The following SLC5A8 variants were observed in gnomAD, a reference collection of about 807,000 sequenced individuals.
SLC5A8 encodes the protein solute carrier family 5 member 8.
In SLC5A8, 55 loss-of-function variants were observed where a neutral mutation model predicts 71.9. That is an observed-to-expected ratio of 0.77 (90% CI 0.62 to 0.96). SLC5A8 has a LOEUF of 0.96. SLC5A8 is among the 40% of genes least tolerant of loss of function. The pLI, the probability that SLC5A8 is intolerant of heterozygous loss-of-function variation, is 0.00. For synonymous variants in SLC5A8, 307 were observed against 276.1 expected, an observed-to-expected ratio of 1.11 and a Z score of -1.11; for missense variants, 701 against 745.3, an observed-to-expected ratio of 0.94 and a Z score of 0.69.
chr12:101,188,241 A>G (rs1041107293), intron 6 of SLC5A8, among the ~76,000 whole-genome samples: 44 of 152,242 alleles, frequency 2.9e-4, no homozygotes, highest in African/African-American at 1.1e-3. Context: ...GTATATTATC[A>G]TATAGCATGG....
chr12:101,162,179 A>G (rs2051729753), intron 12 of SLC5A8, 102 bp from the exon 13 acceptor site: 1 of 744,222 alleles, frequency 1.3e-6, no homozygotes. Context: ...ATAACACTTA[A>G]TAATGTTTTT....
intron 3 of SLC5A8, among the ~76,000 whole-genome samples, chr12:101,200,009 CAAAAAAAAAAAAAAAAAAAAAAAAAAA>C (rs1182463470): frequency 0.011 from 108 of 9,638 alleles, 3 homozygotes; most frequent in Admixed American, 8.5e-3. Flanking sequence ...GTACTACCAG[CAAAAAAAAAAAAAAAAAAAAAAAAAAA>C]AAAAAAAAAA....
At chr12:101,183,248 T>C (rs1185891387) in intron 8 of SLC5A8, among the ~76,000 whole-genome samples, 1 of 152,088 alleles carries the variant, frequency 6.6e-6, no homozygotes, top group Non-Finnish European at 1.5e-5. Context: ...GGTTTCACTG[T>C]GTTAGCCAGG....
rs1300873868 is a variant in SLC5A8, at chr12:101,176,304, T to C, written c.1233+3725A>G. 5.9e-5 allele frequency among the ~76,000 whole-genome samples: 9 copies of C among 152,048 alleles called. No homozygotes were observed. The East Asian group carries it at 9.7e-4, about 16-fold the overall frequency. On this transcript the variant is annotated intron_variant, in intron 10 of 14. Transcript: ENST00000536262. ...TAATCCTTCATTAAGACCCAATGCA[T>C]GAAGCAAAGCAAAAACTGATAGAAC...
chr12:101,207,613 T>G (rs1869727749), intron 1 of SLC5A8, among the ~76,000 whole-genome samples: 1 of 152,120 alleles, frequency 6.6e-6, no homozygotes. Context: ...GCAGCATTCA[T>G]GTGTGGGGAC....
chr12:101,209,565 A>G lies in SLC5A8; in HGVS notation c.284T>C (p.Val95Ala), dbSNP rs368885769. 1 of 1,609,722 alleles carries G rather than the reference A, an allele frequency of 6.2e-7. No homozygotes were observed. Among genetic ancestry groups the G allele is most frequent in the Non-Finnish European group, 8.5e-7 (1 of 1,178,002 alleles). Residue 95 changes from valine (V) to alanine (A), a missense_variant, in exon 1 of 15, where the codon GTG becomes GCG. Coordinates refer to ENST00000536262, the MANE Select transcript of SLC5A8 (RefSeq NM_145913.5). Reference protein sequence around the residue: ...FSIFAFTYFFVVVISAEVFLP... With the variant: ...FSIFAFTYFFAVVISAEVFLP... ...GAAGACCTCCGCGCTGATGACCACC[A>G]CAAAGAAGTAGGTGAAGGCAAAGAT...
In SLC5A8 at chr12:101,176,826, T is replaced by G. The variant is rs1294983649; in HGVS notation, c.1233+3203A>C. ...AATTTTCAGCAATAAATGCACACAT[T>G]AGAAAAGAGGAGAAGATTCAAATCA... On this transcript the variant is annotated intron_variant, in intron 10 of 14. Coordinates refer to ENST00000536262, the MANE Select transcript of SLC5A8 (RefSeq NM_145913.5). 2.0e-5 allele frequency among the ~76,000 whole-genome samples: 3 copies of G among 151,930 alleles called. No homozygotes were observed. The South Asian group carries it at 6.2e-4, about 32-fold the overall frequency.
Position 101,157,030 on chromosome 12 carries a change from T to G in SLC5A8, c.*249A>C, listed in dbSNP as rs1242197899. 2 of 415,714 alleles carry G rather than the reference T, an allele frequency of 4.8e-6. No homozygotes were observed. The highest frequency in any genetic ancestry group is 8.6e-6 in the Non-Finnish European group (2 of 232,976). 25.8% of individuals were successfully genotyped at this position (415,714 alleles called of 1,614,324 possible). A position where few individuals can be genotyped will look rare whatever the true frequency, so the allele number is the denominator to read the frequency against. On this transcript the variant is annotated 3_prime_UTR_variant, in exon 15 of 15. Transcript: ENST00000536262. ...TTCAGCATCTATGTAGTTACAATTT[T>G]CACAATTATAGCTTCATCGAAATAA...
At chr12:101,204,445 C>T in intron 2 of SLC5A8, 55 bp downstream of exon 2, 5 of 1,444,220 alleles carry the variant, frequency 3.5e-6, no homozygotes, top group Admixed American at 2.1e-5. Context: ...ATCCAGATGC[C>T]ATGGTTAAAA....
chr12:101,203,498 C>T (rs1309346649), intron 2 of SLC5A8, among the ~76,000 whole-genome samples: 5 of 152,188 alleles, frequency 3.3e-5, no homozygotes, highest in Non-Finnish European at 7.3e-5. Flanking sequence ...CAGGCACCTG[C>T]CCTCATGCCT....
At position 101,158,300 on chromosome 12, in the gene SLC5A8, T is replaced by C. The variant is rs570766785; in HGVS notation, c.1659A>G (p.Arg553=). The stretch of plus-strand genomic sequence containing the variant: ...AAAAGTCCTCTTTGGTTAGTATGTA[T>C]CTGGGGTCTAAGTTCTGTTTTCTTC... The part of the protein sequence containing the change: ...TGGRKQNLDP[R]YILTKEDFLS... Residue 553 remains arginine, a synonymous_variant, in exon 14 of 15, where the codon AGA becomes AGG. Transcript: ENST00000536262. 2.0e-5 allele frequency: 32 copies of C among 1,588,330 alleles called. No individual in the cohort carries two copies. In the East Asian group the frequency reaches 6.1e-4, roughly 30 times the overall value.
At chr12:101,158,578 CTCTCTCTCTCTCTCTCTCTCTATATA>C (rs1334153279) in intron 13 of SLC5A8, among the ~76,000 whole-genome samples, 78 of 63,740 alleles carry the variant, frequency 1.2e-3, no homozygotes, top group Middle Eastern at 7.0e-3. Flanking sequence ...CTCTCTCTCT[CTCTCTCTCTCTCTCTCTCTCTATATA>C]TATATATATA....
In SLC5A8 at chr12:101,171,604, G is replaced by C. The variant is rs1818562; in HGVS notation, c.1234-3422C>G. Among the ~76,000 whole-genome samples, 956 of 152,286 alleles carry C rather than the reference G, an allele frequency of 6.3e-3. 10 individuals carry two copies. The highest frequency in any genetic ancestry group is 9.1e-3 in the Non-Finnish European group (620 of 68,010). ...GATCTAGTGTCCAGCTGAGCAGTTA[G>C]GGGAGATCATGAGAATGGGGTTCGG... On this transcript the variant is annotated intron_variant, in intron 10 of 14. Transcript: ENST00000536262.
Position 101,209,747 on chromosome 12 carries a change from G to T in SLC5A8, c.102C>A (p.Phe34Leu). The T allele has an allele frequency of 6.2e-7, 1 of 1,612,602 alleles. No homozygotes were observed. Among genetic ancestry groups the T allele is most frequent in the Non-Finnish European group, 8.5e-7 (1 of 1,179,814 alleles). The change falls in exon 1 of 15, where the codon TTC becomes TTA. Residue 34 changes from phenylalanine to leucine, a missense_variant. Coordinates refer to ENST00000536262, the MANE Select transcript of SLC5A8 (RefSeq NM_145913.5). The stretch of plus-strand genomic sequence containing the variant: ...TGGAGGTCTGCTGGCCGCCCCCAGC[G>T]AAGGCGTAGTAGATGCCGATGGCGG... The part of the protein sequence containing the change: ...ISAAIGIYYA[F>L]AGGGQQTSKD...
At chr12:101,175,134 CTG>C (rs1159949770) in intron 10 of SLC5A8, among the ~76,000 whole-genome samples, 1 of 151,896 alleles carries the variant, frequency 6.6e-6, no homozygotes, top group East Asian at 1.9e-4. Context: ...CCAAATGAAA[CTG>C]TTACTCTGAA....
rs149913869 is a variant in SLC5A8 at position 101,182,831 on chromosome 12, C to T, written c.1137G>A (p.Arg379=). The T allele has an allele frequency of 2.7e-4, 433 of 1,591,882 alleles. No homozygotes were observed. The highest frequency in any genetic ancestry group is 3.4e-4 in the Non-Finnish European group (396 of 1,172,378). ...TTCCTTGGGAAATCCAAGACAGAGA[C>T]CTTTCTGAGAGCGATCTGAAGTAAG... The part of the protein sequence containing the change: ...IKPYFRSLSE[R]SLSWISQGMS... The change falls in exon 9 of 15, where the codon AGG becomes AGA. Residue 379 remains arginine, a synonymous_variant. Transcript: ENST00000536262.
At chr12:101,166,295 C>A (rs1283100378) in intron 12 of SLC5A8, among the ~76,000 whole-genome samples, 199 bp downstream of exon 12, 1 of 152,076 alleles carries the variant, frequency 6.6e-6, no homozygotes, top group Non-Finnish European at 1.5e-5. Flanking sequence ...GTAGACAAGG[C>A]AGAAATTTCT....
chr12:101,209,828 GA>G lies in SLC5A8; in HGVS notation c.20del (p.Ile7ThrfsTer40). 1 of 1,571,716 alleles carries G rather than the reference GA, an allele frequency of 6.4e-7. No individual in the cohort carries two copies. Among genetic ancestry groups the G allele is most frequent in the Non-Finnish European group, 8.6e-7 (1 of 1,156,332 alleles). On this transcript the variant is annotated frameshift_variant, in exon 1 of 15. Transcript: ENST00000536262. LOFTEE classifies it high-confidence loss of function. MDTPRG[I>X]GTFVVWDYVV... is the part of the protein sequence containing the mutation. The stretch of plus-strand genomic sequence containing the variant: ...CGTAGTCCCACACCACGAAGGTGCC[GA>G]TGCCCCGTGGCGTGTCCATGGCCGC...
rs771466075 is a variant in SLC5A8, at chr12:101,209,706, C to G, written c.143G>C (p.Gly48Ala). ...GGGCACTGCGGTCATTCTGCGGCCG[C>G]CCATCAGGAAGTCCTTGGAGGTCTG... Reference protein sequence around the residue: ...GQQTSKDFLMGGRRMTAVPVA... With the variant: ...GQQTSKDFLMAGRRMTAVPVA... The change falls in exon 1 of 15, where the codon GGC becomes GCC. Residue 48 changes from glycine (G) to alanine (A), a missense_variant. By Grantham distance (60) the Gly-to-Ala change is moderately conservative. Transcript: ENST00000536262. 2 of 1,613,372 alleles carry G rather than the reference C, an allele frequency of 1.2e-6. No individual in the cohort carries two copies. Among genetic ancestry groups the G allele is most frequent in the South Asian group, 2.2e-5 (2 of 91,080 alleles).
Sources: gnomAD v4.1 joint callset for allele counts (sites outside exome capture counted in the v4.1 genomes callset) on GRCh38, gnomAD v4.1.1 for gene constraint, MANE v1.5 for transcripts, NCBI Gene and HGNC (gene_info 2026-07-23, HGNC 2026-07-21) for gene names.